EXOC4: variants seen among roughly 807,000 people sequenced by gnomAD.
EXOC4 encodes the protein SEC8-like 1.
In EXOC4, 71 loss-of-function variants were observed where a neutral mutation model predicts 107.2. The observed-to-expected ratio is 0.66, with a 90% confidence interval of 0.55 to 0.81. EXOC4 has a LOEUF of 0.81. Among genes scored for constraint, EXOC4 ranks in the 30% least tolerant of loss-of-function variants. EXOC4 has a pLI of 0.00. For synonymous variants in EXOC4, 456 were observed against 441.2 expected (o/e 1.03, Z -0.42); for missense variants, 1,108 against 1,189.6 (o/e 0.93, Z 1.01).
At chr7:133,788,846 G>T (rs1013931561) in intron 10 of EXOC4, among the ~76,000 whole-genome samples, 3 of 152,026 alleles carry the variant, frequency 2.0e-5, no homozygotes, top group African/African-American at 7.3e-5. Context: ...CAAACCTTGT[G>T]TGCTCTACCT....
At chr7:133,995,893 G>A (rs1277119626) in intron 14 of EXOC4, among the ~76,000 whole-genome samples, 2 of 152,126 alleles carry the variant, frequency 1.3e-5, no homozygotes, top group Admixed American at 1.3e-4. Context: ...ACAGCAAGAT[G>A]TTGGCTCTCT....
At chr7:133,758,549 T>C (rs1196269678) in intron 10 of EXOC4, among the ~76,000 whole-genome samples, 1 of 152,234 alleles carries the variant, frequency 6.6e-6, no homozygotes, top group Non-Finnish European at 1.5e-5. Flanking sequence ...AGGAGCTCTC[T>C]GTCTGGGAGA....
At chr7:133,818,770 C>T (rs1369591378) in intron 11 of EXOC4, among the ~76,000 whole-genome samples, 1 of 152,140 alleles carries the variant, frequency 6.6e-6, no homozygotes, top group African/African-American at 2.4e-5. Flanking sequence ...CACTGGAAGG[C>T]TTTTCCTGAC....
intron 5 of EXOC4, among the ~76,000 whole-genome samples, chr7:133,333,595 C>T (rs919751184): frequency 7.2e-5 from 11 of 152,072 alleles, no homozygotes. Context: ...TGTGTGTACA[C>T]CATACACATG....
intron 11 of EXOC4, among the ~76,000 whole-genome samples, chr7:133,840,630 G>A (rs971376803): frequency 1.6e-4 from 24 of 151,810 alleles, no homozygotes; most frequent in East Asian, 9.7e-4. Context: ...CTACAGGCAC[G>A]CTCCACCACA....
At chr7:133,551,495 G>C (rs532864090) in intron 9 of EXOC4, 1 of 151,980 alleles carries the variant, frequency 6.6e-6, no homozygotes, top group Admixed American at 6.6e-5. Flanking sequence ...AAGGAGAAAC[G>C]TAACTGCCGT....
chr7:133,519,315 C>T (rs141534188), intron 9 of EXOC4, among the ~76,000 whole-genome samples: 2 of 151,962 alleles, frequency 1.3e-5, no homozygotes, highest in African/African-American at 4.8e-5. Flanking sequence ...AGGAGCTACT[C>T]AGGTGGCTGA....
chr7:133,841,301 A>G (rs1052349380), intron 11 of EXOC4, among the ~76,000 whole-genome samples: 1 of 152,150 alleles, frequency 6.6e-6, no homozygotes. Flanking sequence ...ATTTCAACAT[A>G]TGAATTTGGG....
chr7:134,052,735 G>C (rs1046543825), intron 17 of EXOC4, among the ~76,000 whole-genome samples: 1 of 152,138 alleles, frequency 6.6e-6, no homozygotes, highest in Non-Finnish European at 1.5e-5. Flanking sequence ...AGTTGAGACA[G>C]GTTCAGAAAT....
intron 17 of EXOC4, among the ~76,000 whole-genome samples, chr7:134,051,811 C>A (rs1279892683): frequency 1.3e-5 from 2 of 152,120 alleles, no homozygotes; most frequent in Non-Finnish European, 2.9e-5. Context: ...CAGTGAAACC[C>A]TGTGTCTACT....
chr7:133,782,836 A>G (rs1367055996), intron 10 of EXOC4, among the ~76,000 whole-genome samples: 7 of 152,192 alleles, frequency 4.6e-5, no homozygotes, highest in Admixed American at 3.3e-4. Context: ...ATGGAAAGAC[A>G]AAATTAGTCT....
At chr7:133,642,077 A>G (rs1446051602) in intron 10 of EXOC4, among the ~76,000 whole-genome samples, 1 of 152,206 alleles carries the variant, frequency 6.6e-6, no homozygotes, top group African/African-American at 2.4e-5. Context: ...CAACTTCAAC[A>G]TTCAGTGGGA....
chr7:133,426,082 A>C (rs2150767517), intron 7 of EXOC4, among the ~76,000 whole-genome samples: 1 of 152,324 alleles, frequency 6.6e-6, no homozygotes, highest in Admixed American at 6.5e-5. Context: ...CTCAGAATAT[A>C]TCTCTTCAAC....
At chr7:133,426,555 A>G (rs1392249379) in intron 7 of EXOC4, among the ~76,000 whole-genome samples, 2 of 152,248 alleles carry the variant, frequency 1.3e-5, no homozygotes, top group Admixed American at 6.5e-5. Flanking sequence ...TTTCCTGTGG[A>G]AAATAATAAA....
intron 2 of EXOC4, among the ~76,000 whole-genome samples, chr7:133,287,770 T>A (rs1794315340): frequency 6.6e-6 from 1 of 152,250 alleles, no homozygotes; most frequent in African/African-American, 2.4e-5. Flanking sequence ...CATTTTGTCC[T>A]CATATTTTCC....
intron 17 of EXOC4, among the ~76,000 whole-genome samples, chr7:134,053,276 A>C (rs996337534): frequency 1.3e-5 from 2 of 151,484 alleles, no homozygotes; most frequent in African/African-American, 4.8e-5. Context: ...GCCCTGCTCC[A>C]GTAGAACCTG....
At chr7:133,287,906 G>A (rs962533391) in intron 2 of EXOC4, among the ~76,000 whole-genome samples, 6 of 152,084 alleles carry the variant, frequency 3.9e-5, no homozygotes, top group Admixed American at 6.5e-5. Context: ...CCAAAAATAC[G>A]GTAGACTCTT....
chr7:133,882,443 C>A (rs1186285699), intron 11 of EXOC4, among the ~76,000 whole-genome samples: 3 of 152,166 alleles, frequency 2.0e-5, no homozygotes, highest in African/African-American at 7.2e-5. Flanking sequence ...TTATTGAGTA[C>A]CTGTTATGTT....
intron 7 of EXOC4, among the ~76,000 whole-genome samples, chr7:133,444,343 C>CA (rs1272052245): frequency 1.3e-5 from 2 of 152,132 alleles, no homozygotes; most frequent in Non-Finnish European, 2.9e-5. Context: ...CCATATGCAT[C>CA]AATTTGGACA....
Sources: gnomAD v4.1 joint callset for allele counts (sites outside exome capture counted in the v4.1 genomes callset) on GRCh38, gnomAD v4.1.1 for gene constraint, MANE v1.5 for transcripts, NCBI Gene and HGNC (gene_info 2026-07-23, HGNC 2026-07-21) for gene names.